Variants in RAD51B observed in about 807,000 individuals in gnomAD.
The protein encoded by RAD51B is DNA repair protein RAD51 homolog 2.
A neutral mutation model predicts 42.2 loss-of-function variants in RAD51B; 38 were observed. The ratio of observed to expected loss-of-function variants is 0.90; its 90% CI spans 0.70 to 1.18. The LOEUF is 1.18. Among genes scored for constraint, RAD51B ranks in the 50% most tolerant of loss-of-function variants. RAD51B has a pLI of 0.00. For missense variants in RAD51B, 373 were observed against 400.7 expected (o/e 0.93, Z 0.59); for synonymous variants, 154 against 145.2 (o/e 1.06, Z -0.43).
chr14:68,089,922 A>G (rs1282240777), intron 7 of RAD51B, among the ~76,000 whole-genome samples: 2 of 152,138 alleles, frequency 1.3e-5, no homozygotes, highest in African/African-American at 4.8e-5. Flanking sequence ...TTAGATTTAT[A>G]TATGTGAGCT....
At chr14:68,331,988 A>G (rs1269817838) in intron 8 of RAD51B, among the ~76,000 whole-genome samples, 2 of 152,230 alleles carry the variant, frequency 1.3e-5, no homozygotes, top group African/African-American at 4.8e-5. Context: ...AGAAAAATTA[A>G]CTTAGAAAAC....
At chr14:68,606,033 T>C (rs1248704442) in intron 10 of RAD51B, among the ~76,000 whole-genome samples, 1 of 152,192 alleles carries the variant, frequency 6.6e-6, no homozygotes, top group Non-Finnish European at 1.5e-5. Flanking sequence ...GAAGCTGCAC[T>C]TGAGAATCAC....
intron 8 of RAD51B, among the ~76,000 whole-genome samples, chr14:68,369,112 A>G (rs2083201233): frequency 6.6e-6 from 1 of 152,206 alleles, no homozygotes; most frequent in African/African-American, 2.4e-5. Context: ...GCCTGGTGAT[A>G]CATCCCTCTT....
chr14:68,367,268 T>C (rs543688487), intron 8 of RAD51B, among the ~76,000 whole-genome samples: 1 of 152,366 alleles, frequency 6.6e-6, no homozygotes, highest in East Asian at 1.9e-4. Context: ...GTTTTCAAAC[T>C]GTACTTGATA....
chr14:68,191,996 A>G (rs573142539), intron 7 of RAD51B, among the ~76,000 whole-genome samples: 6 of 152,274 alleles, frequency 3.9e-5, no homozygotes, highest in South Asian at 2.1e-4. Flanking sequence ...ATACCATCCA[A>G]TCACATTTAA....
At chr14:68,431,151 G>A (rs938237901) in intron 9 of RAD51B, among the ~76,000 whole-genome samples, 2 of 152,122 alleles carry the variant, frequency 1.3e-5, no homozygotes, top group African/African-American at 2.4e-5. Flanking sequence ...GATTCAGTTT[G>A]CCAGTATTTT....
At chr14:67,871,911 T>G (rs1200481070) in intron 5 of RAD51B, among the ~76,000 whole-genome samples, 1 of 151,826 alleles carries the variant, frequency 6.6e-6, no homozygotes, top group African/African-American at 2.4e-5. Context: ...AAACTCTCAA[T>G]AAATTAGGTA....
At chr14:68,313,493 C>T (rs779575473) in intron 8 of RAD51B, among the ~76,000 whole-genome samples, 2 of 152,172 alleles carry the variant, frequency 1.3e-5, no homozygotes, top group African/African-American at 2.4e-5. Context: ...CCAGCTGAGT[C>T]GGGGGATGGC....
At chr14:68,398,664 C>A (rs2083996998) in intron 8 of RAD51B, among the ~76,000 whole-genome samples, 1 of 152,106 alleles carries the variant, frequency 6.6e-6, no homozygotes, top group South Asian at 2.1e-4. Flanking sequence ...ATTTACATCT[C>A]TTCTCTCTAT....
At chr14:68,481,129 T>G (rs1883144590), downstream of RAD51B, among the ~76,000 whole-genome samples, 1 of 152,228 alleles carries the variant, frequency 6.6e-6, no homozygotes, top group South Asian at 2.1e-4. Context: ...TATGTTTTTC[T>G]CTTGTTAATC....
chr14:68,548,112 G>T (rs76501161), intron 10 of RAD51B, among the ~76,000 whole-genome samples: 1 of 152,312 alleles, frequency 6.6e-6, no homozygotes, highest in East Asian at 1.9e-4. Context: ...AAGTCAGCAG[G>T]ATATTCTCAT....
chr14:68,598,060 A>G (rs1022424070), downstream of RAD51B, among the ~76,000 whole-genome samples: 1 of 152,168 alleles, frequency 6.6e-6, no homozygotes, highest in Non-Finnish European at 1.5e-5. Flanking sequence ...TCTCGGTCTG[A>G]TTTTAAATCT....
chr14:68,186,066 A>G lies in RAD51B; in HGVS notation c.757-105818A>G, dbSNP rs189257858. ...AACCCTGAAATAAAGCCACACACCT[A>G]CAGATGTCTAATCTTCAACAAAGCT... is the stretch of plus-strand genomic sequence containing the variant. On this transcript the variant is annotated intron_variant, in intron 7 of 10. Transcript: ENST00000471583. 9.2e-5 allele frequency among the ~76,000 whole-genome samples: 14 copies of G among 152,328 alleles called. No homozygotes were observed. In the East Asian group the frequency reaches 1.9e-3, roughly 21 times the overall value.
At chr14:68,474,557 AG>A (rs1348342183) in intron 10 of RAD51B, among the ~76,000 whole-genome samples, 1 of 152,028 alleles carries the variant, frequency 6.6e-6, no homozygotes, top group African/African-American at 2.4e-5. Flanking sequence ...AGAAAGGTAA[AG>A]TAATGTTCAC....
At chr14:67,931,261 ACT>A (rs2044722720) in intron 7 of RAD51B, among the ~76,000 whole-genome samples, 1 of 150,444 alleles carries the variant, frequency 6.6e-6, no homozygotes, top group Non-Finnish European at 1.5e-5. Flanking sequence ...AGGTTCTGAG[ACT>A]CTTTCTTTTG....
intron 7 of RAD51B, among the ~76,000 whole-genome samples, chr14:68,088,888 G>A (rs564967966): frequency 1.3e-5 from 2 of 152,230 alleles, no homozygotes; most frequent in African/African-American, 4.8e-5. Flanking sequence ...ATTAAGTGGT[G>A]AGGATGGAAA....
chr14:68,226,309 T>C (rs1047992462), intron 7 of RAD51B, among the ~76,000 whole-genome samples: 17 of 152,198 alleles, frequency 1.1e-4, no homozygotes, highest in Middle Eastern at 3.2e-3. Flanking sequence ...TCAGTAAACA[T>C]AAGCTAAAAC....
intron 7 of RAD51B, among the ~76,000 whole-genome samples, chr14:68,074,699 G>T (rs900574781): frequency 5.9e-5 from 9 of 152,306 alleles, no homozygotes; most frequent in Non-Finnish European, 7.3e-5. Context: ...GTAGTCAGTT[G>T]ACTTCATTTC....
At chr14:68,315,671 GC>G (rs2139744468) in intron 8 of RAD51B, among the ~76,000 whole-genome samples, 1 of 152,078 alleles carries the variant, frequency 6.6e-6, no homozygotes, top group African/African-American at 2.4e-5. Context: ...ACAGGTGCCC[GC>G]CACCACGCCC....
Sources: gnomAD v4.1 joint callset for allele counts (sites outside exome capture counted in the v4.1 genomes callset) on GRCh38, gnomAD v4.1.1 for gene constraint, MANE v1.5 for transcripts, NCBI Gene and HGNC (gene_info 2026-07-23, HGNC 2026-07-21) for gene names.